Variants in NEK10 observed in about 807,000 individuals in gnomAD.
NEK10 encodes the protein NIMA related kinase 10, also known as serine/threonine-protein kinase Nek10.
NEK10 carries 122 observed loss-of-function variants against 159.8 expected under a neutral mutation model. The ratio of observed to expected loss-of-function variants is 0.76; its 90% CI spans 0.66 to 0.89. The LOEUF (loss-of-function observed/expected upper bound fraction) is 0.89, where lower values mean the gene tolerates loss of function less well. NEK10 is among the 40% of genes least tolerant of loss of function. NEK10 has a pLI of 0.00. For missense variants in NEK10, 1,342 were observed against 1,323.1 expected, an observed-to-expected ratio of 1.01 and a Z score of -0.22; for synonymous variants, 466 against 457.1, an observed-to-expected ratio of 1.02 and a Z score of -0.25.
chr3:27,177,155 C>T (rs940896467), intron 26 of NEK10, among the ~76,000 whole-genome samples: 6 of 152,180 alleles, frequency 3.9e-5, no homozygotes, highest in Non-Finnish European at 4.4e-5. Flanking sequence ...TGCATAAATT[C>T]TGATAAAGGG....
At chr3:27,247,631 A>G (rs1420902862) in intron 23 of NEK10, among the ~76,000 whole-genome samples, 1 of 151,842 alleles carries the variant, frequency 6.6e-6, no homozygotes, top group Admixed American at 6.6e-5. Flanking sequence ...CACCTCCTGG[A>G]CTAAATCATT....
At chr3:27,326,309 A>G (rs1215979692) in intron 5 of NEK10, among the ~76,000 whole-genome samples, 1 of 152,204 alleles carries the variant, frequency 6.6e-6, no homozygotes, top group African/African-American at 2.4e-5. Context: ...ACTACATCCC[A>G]AAGATCTAAC....
chr3:27,209,713 T>C (rs1044048050), intron 23 of NEK10, among the ~76,000 whole-genome samples: 5 of 152,226 alleles, frequency 3.3e-5, no homozygotes, highest in African/African-American at 1.2e-4. Context: ...GGTTTCTAGA[T>C]GCCAAACCCT....
Position 27,365,504 on chromosome 3 carries a change from T to C in NEK10, c.-38+3721A>G, listed in dbSNP as rs187199847. Among the ~76,000 whole-genome samples the C allele has an allele frequency of 2.0e-4, 31 of 152,164 alleles. No individual in the cohort carries two copies. The East Asian group carries it at 5.0e-3, about 25-fold the overall frequency. On this transcript the variant is annotated intron_variant, in intron 1 of 35. Coordinates refer to ENST00000691995, the MANE Select transcript of NEK10 (RefSeq NM_001394966.1). ...AGATTTTAGCTGAGATGAGGGGAGTTTGACCTATAGATAAGTAATTATTTT... is the reference window on the plus strand; with the variant it reads ...AGATTTTAGCTGAGATGAGGGGAGTCTGACCTATAGATAAGTAATTATTTT...
At chr3:27,199,773 T>C (rs1393276453) in intron 25 of NEK10, among the ~76,000 whole-genome samples, 1 of 152,214 alleles carries the variant, frequency 6.6e-6, no homozygotes, top group Non-Finnish European at 1.5e-5. Context: ...GAATACTATG[T>C]AGCCATAAAA....
chr3:27,354,362 T>C (rs1349458329), intron 1 of NEK10, among the ~76,000 whole-genome samples: 1 of 152,220 alleles, frequency 6.6e-6, no homozygotes, highest in African/African-American at 2.4e-5. Flanking sequence ...CTAATCGTTA[T>C]ATCTGTTTGA....
chr3:27,282,837 A>C (rs550323895), intron 22 of NEK10, among the ~76,000 whole-genome samples: 1 of 151,172 alleles, frequency 6.6e-6, no homozygotes, highest in Non-Finnish European at 1.5e-5. Flanking sequence ...GCAAATAAAT[A>C]AATTATAAAA....
rs776678551 is a variant in NEK10 at position 27,308,942 on chromosome 3, C to T, written c.700G>A (p.Ala234Thr). 1.9e-6 allele frequency: 3 copies of T among 1,588,086 alleles called. No individual in the cohort carries two copies. The highest frequency in any genetic ancestry group is 2.2e-5 in the South Asian group (2 of 89,638). Residue 234 changes from alanine (A) to threonine (T), a missense_variant, in exon 10 of 36, where the codon GCT becomes ACT. Physicochemically the swap from Ala to Thr is moderately conservative, Grantham distance 58. Coordinates refer to ENST00000691995, the MANE Select transcript of NEK10 (RefSeq NM_001394966.1). ...ACTACTTACCTTTCTGCTAAACTAGCCAGAGCCAGAAGGGAACCCAATAGA... is the reference window on the plus strand; with the variant it reads ...ACTACTTACCTTTCTGCTAAACTAGTCAGAGCCAGAAGGGAACCCAATAGA... ...NVLLGSLLAL[A>T]SLAESQECRE... is the part of the protein sequence containing the mutation.
At chr3:27,211,494 T>C (rs1951006298) in intron 23 of NEK10, among the ~76,000 whole-genome samples, 1 of 152,210 alleles carries the variant, frequency 6.6e-6, no homozygotes, top group Non-Finnish European at 1.5e-5. Flanking sequence ...CAAGAACCTT[T>C]ACTATTATAG....
chr3:27,124,291 C>A (rs1462956931), intron 32 of NEK10, among the ~76,000 whole-genome samples: 1 of 152,080 alleles, frequency 6.6e-6, no homozygotes, highest in East Asian at 1.9e-4. Context: ...AGAAGATCAG[C>A]AAAGAAGCTG....
intron 22 of NEK10, among the ~76,000 whole-genome samples, chr3:27,259,516 T>A (rs1352975241): frequency 6.6e-6 from 1 of 152,152 alleles, no homozygotes; most frequent in African/African-American, 2.4e-5. Context: ...TTTGTCAAAC[T>A]TCAGATGGTT....
At chr3:27,338,435 T>C (rs1442176430) in intron 5 of NEK10, among the ~76,000 whole-genome samples, 1 of 152,240 alleles carries the variant, frequency 6.6e-6, no homozygotes, top group Non-Finnish European at 1.5e-5. Flanking sequence ...TTTATAATCC[T>C]CTGGGTACAT....
At chr3:27,250,913 C>T (rs113569219) in intron 23 of NEK10, among the ~76,000 whole-genome samples, 6,310 of 152,024 alleles carry the variant, frequency 0.042, 219 homozygotes, top group African/African-American at 0.097. Context: ...AGGTTAAATC[C>T]GCCTAGTGTT....
chr3:27,213,441 C>T (rs141403554), intron 23 of NEK10, among the ~76,000 whole-genome samples: 2 of 152,250 alleles, frequency 1.3e-5, no homozygotes, highest in African/African-American at 2.4e-5. Context: ...AATTGGTCAT[C>T]GTTTCTACTA....
intron 23 of NEK10, chr3:27,214,720 G>T: frequency 1.4e-6 from 1 of 704,460 alleles, no homozygotes; most frequent in South Asian, 1.4e-5. Context: ...CTTACTTCAC[G>T]GCACTTCAGT....
intron 5 of NEK10, among the ~76,000 whole-genome samples, chr3:27,326,934 C>CACATAT (rs2046044532): frequency 1.3e-5 from 2 of 152,006 alleles, no homozygotes; most frequent in African/African-American, 4.8e-5. Flanking sequence ...CAAGACTATA[C>CACATAT]ACACATATAC....
chr3:27,255,100 ATTAC>A (rs1399632306), intron 23 of NEK10: 9 of 162,854 alleles, frequency 5.5e-5, no homozygotes, highest in Non-Finnish European at 9.7e-5. Context: ...GAGATATATG[ATTAC>A]TTGACACTTT....
At chr3:27,307,215 C>A (rs2044314412) in intron 11 of NEK10, among the ~76,000 whole-genome samples, 1 of 152,104 alleles carries the variant, frequency 6.6e-6, no homozygotes, top group South Asian at 2.1e-4. Context: ...GAAGAAGAAT[C>A]CAAAAGGATT....
chr3:27,315,671 G>A (rs1250359149), intron 6 of NEK10, among the ~76,000 whole-genome samples: 1 of 152,116 alleles, frequency 6.6e-6, no homozygotes, highest in Non-Finnish European at 1.5e-5. Context: ...TTAGGCTCTG[G>A]AGACACACAT....
Sources: allele counts gnomAD v4.1 joint callset (sites outside exome capture counted in the v4.1 genomes callset), GRCh38; gene constraint gnomAD v4.1.1; transcripts MANE v1.5; gene names NCBI Gene and HGNC (gene_info 2026-07-23, HGNC 2026-07-21).